The following ZBTB34 variants were observed in gnomAD, a reference collection of about 807,000 sequenced individuals.
ZBTB34 encodes the protein zinc finger and BTB domain containing 34, also known as zinc finger and BTB domain-containing protein 34.
In ZBTB34, 1 loss-of-function variant was observed where a neutral mutation model predicts 33.4. The ratio of observed to expected loss-of-function variants is 0.03; its 90% confidence interval spans 0.01 to 0.14. The LOEUF (loss-of-function observed/expected upper bound fraction) is 0.14, where lower values mean the gene tolerates loss of function less well. Ranked by LOEUF, ZBTB34 falls within the 10% of genes least tolerant of loss-of-function variation. The probability of loss-of-function intolerance (pLI) is 1.00; values close to 1 mark genes in which losing one functional copy is unlikely to be tolerated. For synonymous variants in ZBTB34, 283 were observed against 253.5 expected, an observed-to-expected ratio of 1.12 and a Z score of -1.11; for missense variants, 406 against 657.2, an observed-to-expected ratio of 0.62 and a Z score of 4.18.
At chr9:126,884,387 A>T (rs1034183323) in exon 2 of ZBTB34, 2 of 167,096 alleles carry the variant, frequency 1.2e-5, no homozygotes, top group Non-Finnish European at 2.9e-5. Flanking sequence ...GTATATGGAG[A>T]CAAGTTAATT....
rs773801357 is a variant in ZBTB34 at position 126,880,087 on chromosome 9, G to C, written c.688G>C (p.Val230Leu). ...AGACCATGAGCAAGGAGACCTATTG[G>C]TGAGGGAGAGCCAGATCACCGAGGT... Residue 230 changes from valine to leucine, a missense_variant, in exon 2 of 2, where the codon GTG (valine) becomes CTG (leucine). By Grantham distance (32) the Val-to-Leu change is conservative. Transcript: ENST00000319119. This position sits in a 1 kb window ranked among gnomAD's most constrained non-coding sequence, Gnocchi z 6.7. 1.9e-6 allele frequency: 3 copies of C among 1,613,736 alleles called. No homozygotes were observed. In the South Asian group the frequency reaches 3.3e-5, roughly 18 times the overall value.
At chr9:126,862,529 C>G (rs936537177) in intron 1 of ZBTB34, among the ~76,000 whole-genome samples, 3 of 152,178 alleles carry the variant, frequency 2.0e-5, no homozygotes, top group Admixed American at 2.0e-4. Flanking sequence ...CAAGTCTGTC[C>G]CCTGCAGAAC....
chr9:126,884,310 T>A (rs1661759571), exon 2 of ZBTB34: 1 of 167,058 alleles, frequency 6.0e-6, no homozygotes, highest in Admixed American at 6.5e-5. Flanking sequence ...TTCATTCTAA[T>A]CAGTTCTCTA....
intron 1 of ZBTB34, among the ~76,000 whole-genome samples, chr9:126,874,269 C>G (rs530717740): frequency 2.0e-5 from 3 of 148,448 alleles, no homozygotes; most frequent in Non-Finnish European, 4.5e-5. Flanking sequence ...CCAGGATGGT[C>G]TCAATCTCCT....
At position 126,880,582 on chromosome 9, in the gene ZBTB34, A is replaced by C. The variant is rs1413074809; in HGVS notation, c.1183A>C (p.Met395Leu). ...CCAGAAAGGAAGCCTTGATAGGCAC[A>C]TGCGACTCCATATGGGAATCACCCC... The change falls in exon 2 of 2, where the codon ATG becomes CTG. Residue 395 changes from methionine to leucine, a missense_variant. Met to Leu is a conservative substitution (Grantham distance 15, BLOSUM62 2). Transcript: ENST00000319119. This position sits in a 1 kb window ranked among gnomAD's most constrained non-coding sequence, Gnocchi z 6.7. The C allele has an allele frequency of 6.2e-7, 1 of 1,613,818 alleles. No homozygotes were observed. The highest frequency in any genetic ancestry group is 1.3e-5 in the African/African-American group (1 of 74,954).
chr9:126,877,733 G>A (rs1027275650), intron 1 of ZBTB34, among the ~76,000 whole-genome samples: 7 of 152,172 alleles, frequency 4.6e-5, no homozygotes, highest in Non-Finnish European at 8.8e-5. Context: ...GGCAGAGCGC[G>A]GTGGCTCACG....
intron 1 of ZBTB34, among the ~76,000 whole-genome samples, chr9:126,872,092 G>A (rs1001282992): frequency 6.6e-6 from 1 of 151,934 alleles, no homozygotes; most frequent in African/African-American, 2.4e-5. Flanking sequence ...GATTACAGAC[G>A]CCTGCTACCA....
rs74880441 is a variant in ZBTB34 at position 126,879,312 on chromosome 9, T to C, written c.-10-78T>C. 10,085 of 1,156,254 alleles carry C rather than the reference T, an allele frequency of 8.7e-3. 350 individuals carry two copies. Among genetic ancestry groups the C allele is most frequent in the East Asian group, 0.081 (3,382 of 41,960 alleles). The allele number at this position is 1,156,254 out of a possible 1,614,324, so 71.6% of individuals were successfully genotyped here. On this transcript the variant is annotated intron_variant, in intron 1 of 1. Transcript: ENST00000319119. The surrounding 1 kb of genome is among the most constrained non-coding windows in gnomAD (Gnocchi z 6.4). ...GGTATGATAGCCACAATGGTATTGT[T>C]GTTGTAAGCTTGTGTTTATGCCACT...
intron 1 of ZBTB34, among the ~76,000 whole-genome samples, chr9:126,864,460 C>T (rs1326022290): frequency 1.3e-5 from 2 of 152,114 alleles, no homozygotes; most frequent in Non-Finnish European, 2.9e-5. Context: ...AAAGACAAAT[C>T]GCACCCTCTT....
rs939373176 is a variant in ZBTB34 at position 126,879,888 on chromosome 9, C to T, written c.489C>T (p.Asn163=). 11 of 1,612,902 alleles carry T rather than the reference C, an allele frequency of 6.8e-6. No individual in the cohort carries two copies. The highest frequency in any genetic ancestry group is 1.3e-5 in the African/African-American group (1 of 74,900). Reference sequence around the variant, plus strand: ...TGAAAGACAGCAGCTTCTTTGCCAACCCAGTGGAGATCTCTCCTCCATATT... The same window carrying T: ...TGAAAGACAGCAGCTTCTTTGCCAATCCAGTGGAGATCTCTCCTCCATATT... Residue 163 remains asparagine (N), a synonymous_variant, in exon 2 of 2, where the codon AAC becomes AAT. Coordinates refer to ENST00000319119, the Ensembl canonical transcript of ZBTB34. The surrounding 1 kb of genome is among the most constrained non-coding windows in gnomAD (Gnocchi z 6.4).
chr9:126,878,298 C>T (rs186698776), intron 1 of ZBTB34, among the ~76,000 whole-genome samples: 6 of 151,976 alleles, frequency 3.9e-5, no homozygotes, highest in African/African-American at 7.2e-5. Flanking sequence ...GGTGAAATCC[C>T]GTCTCTTCTA....
Position 126,880,196 on chromosome 9 carries a change from T to G in ZBTB34, c.797T>G (p.Val266Gly). The G allele has an allele frequency of 1.2e-6, 2 of 1,613,694 alleles. No homozygotes were observed. The highest frequency in any genetic ancestry group is 1.7e-6 in the Non-Finnish European group (2 of 1,179,858). ...GACGATGGGTACCACACCGAGATGG[T>G]TGATGGGGAACAAGTTGTGGCAGTG... Residue 266 changes from valine (V) to glycine (G), a missense_variant, in exon 2 of 2, where the codon GTT (valine) becomes GGT (glycine). Physicochemically the swap from Val to Gly is moderately radical, Grantham distance 109 (BLOSUM62 -3). Around this residue, in one of 6 missense-constraint regions of ZBTB34, gnomAD observed 2 missense variants for 17.7 expected, o/e 0.11. Coordinates refer to ENST00000319119, the Ensembl canonical transcript of ZBTB34. The surrounding 1 kb of genome is among the most constrained non-coding windows in gnomAD (Gnocchi z 6.7).
chr9:126,870,475 G>C (rs1206313205), intron 1 of ZBTB34, among the ~76,000 whole-genome samples: 1 of 152,150 alleles, frequency 6.6e-6, no homozygotes, highest in Non-Finnish European at 1.5e-5. Context: ...TCTAATACTT[G>C]CAGCGCATGA....
exon 2 of ZBTB34, chr9:126,883,531 A>G (rs1348126859): frequency 6.0e-6 from 1 of 167,134 alleles, no homozygotes; most frequent in Non-Finnish European, 1.5e-5. Context: ...TGACAAAAAT[A>G]TCCATTGCTT....
exon 2 of ZBTB34, chr9:126,882,493 G>A (rs2033455809): frequency 6.0e-6 from 1 of 167,064 alleles, no homozygotes; most frequent in South Asian, 2.1e-4. Flanking sequence ...ACACAAACAG[G>A]CTTTACAAGA....
At chr9:126,872,082 G>A (rs1301027966) in intron 1 of ZBTB34, among the ~76,000 whole-genome samples, 3 of 152,008 alleles carry the variant, frequency 2.0e-5, no homozygotes, top group African/African-American at 7.3e-5. Flanking sequence ...GAGTAGCTGG[G>A]ATTACAGACG....
chr9:126,883,172 T>C (rs567664028), exon 2 of ZBTB34: 3 of 166,680 alleles, frequency 1.8e-5, no homozygotes, highest in East Asian at 1.9e-4. Context: ...GGTTTTTTTT[T>C]CCTTACATGA....
Position 126,880,043 on chromosome 9 carries a change from A to G in ZBTB34, c.644A>G (p.Tyr215Cys), listed in dbSNP as rs771772250. 7 of 1,613,656 alleles carry G rather than the reference A, an allele frequency of 4.3e-6. No homozygotes were observed. The highest frequency in any genetic ancestry group is 5.9e-6 in the Non-Finnish European group (7 of 1,179,866). Residue 215 changes from tyrosine to cysteine, a missense_variant, in exon 2 of 2, where the codon TAT becomes TGT. By Grantham distance (194) the Tyr-to-Cys change is radical. This residue lies in a region of ZBTB34 where 137 missense variants were observed against 173.0 expected (regional missense o/e 0.79). Coordinates refer to ENST00000319119, the Ensembl canonical transcript of ZBTB34. This position sits in a 1 kb window ranked among gnomAD's most constrained non-coding sequence, Gnocchi z 6.7. ...GGGAGCAGTGGGAGCGTTTCTGAATATGAGATTCAGATAGAGGGAGACCAT... is the reference window on the plus strand; with the variant it reads ...GGGAGCAGTGGGAGCGTTTCTGAATGTGAGATTCAGATAGAGGGAGACCAT...
intron 1 of ZBTB34, among the ~76,000 whole-genome samples, chr9:126,874,349 C>T (rs2033326350): frequency 6.6e-6 from 1 of 152,088 alleles, no homozygotes; most frequent in African/African-American, 2.4e-5. Context: ...CACGCCCGGC[C>T]TCTGCTATGT....
Sources: allele counts gnomAD v4.1 joint callset (sites outside exome capture counted in the v4.1 genomes callset), GRCh38; gene constraint gnomAD v4.1.1; regional missense constraint gnomAD v4.1.1; non-coding constraint Gnocchi (gnomAD v3.1); transcripts MANE v1.5; gene names NCBI Gene and HGNC (gene_info 2026-07-23, HGNC 2026-07-21).